Variants in DHRS12 observed in about 807,000 individuals in gnomAD.
The protein encoded by DHRS12 is dehydrogenase/reductase SDR family member 12.
Under a neutral mutation model 32.1 loss-of-function variants are expected in DHRS12, and 29 were observed. The ratio of observed to expected loss-of-function variants is 0.90; its 90% CI spans 0.67 to 1.23. The LOEUF (loss-of-function observed/expected upper bound fraction) is 1.23, where lower values mean the gene tolerates loss of function less well. Among genes scored for constraint, DHRS12 ranks in the 50% most tolerant of loss-of-function variants. The pLI is 0.00. For missense variants in DHRS12, 330 were observed against 337.2 expected (o/e 0.98, Z 0.17); for synonymous variants, 150 against 135.9 (o/e 1.10, Z -0.72).
chr13:51,756,306 G>C, the DHRS12 span: 1 of 1,605,708 alleles, frequency 6.2e-7, no homozygotes, highest in Non-Finnish European at 8.5e-7. Context: ...GCCGTGATGA[G>C]TATCTATTTT....
chr13:51,772,573 G>A (rs1954081833), intron 6 of DHRS12: 8 of 958,852 alleles, frequency 8.3e-6, no homozygotes, highest in Non-Finnish European at 8.7e-6. Flanking sequence ...CTTAAACCAA[G>A]GAGATGGAGG....
intron 2 of DHRS12, among the ~76,000 whole-genome samples, chr13:51,799,032 A>G (rs1955634292): frequency 6.6e-6 from 1 of 152,202 alleles, no homozygotes. Context: ...GGACCCCAGC[A>G]AGGAGGAAGT....
intron 5 of DHRS12, chr13:51,774,409 C>T (rs559418294): frequency 1.3e-3 from 143 of 112,426 alleles, no homozygotes; most frequent in African/African-American, 5.4e-3. Context: ...ATGTATTCTA[C>T]AGTATTCTCC....
downstream of DHRS12, chr13:51,765,162 G>A (rs1953710812): frequency 6.6e-6 from 1 of 152,222 alleles, no homozygotes; most frequent in Non-Finnish European, 1.5e-5. Context: ...GCATGGCAGC[G>A]CCTGTCTTTG....
the DHRS12 span, among the ~76,000 whole-genome samples, chr13:51,756,164 C>T: frequency 6.6e-6 from 1 of 152,098 alleles, no homozygotes; most frequent in African/African-American, 2.4e-5. Context: ...TAAACAGAGC[C>T]CCAGAGAAGA....
At chr13:51,755,279 A>G in the DHRS12 span, 127 of 1,327,766 alleles carry the variant, frequency 9.6e-5, no homozygotes, top group Middle Eastern at 1.8e-4. Context: ...TGATAGCTCC[A>G]TAAGTTTCAT....
chr13:51,800,488 A>C (rs890646973), intron 1 of DHRS12, among the ~76,000 whole-genome samples: 1 of 152,198 alleles, frequency 6.6e-6, no homozygotes, highest in African/African-American at 2.4e-5. Flanking sequence ...CAGAGGGCAG[A>C]CTCTGCCCAC....
intron 2 of DHRS12, among the ~76,000 whole-genome samples, chr13:51,796,790 A>G (rs1001602623): frequency 3.3e-5 from 5 of 152,154 alleles, no homozygotes; most frequent in Admixed American, 6.5e-5. Flanking sequence ...ACTTGCAGAC[A>G]TTAGAGGAAG....
chr13:51,766,790 C>G (rs577298689), downstream of DHRS12: 11 of 152,366 alleles, frequency 7.2e-5, no homozygotes, highest in South Asian at 1.4e-3. Flanking sequence ...TCTGTGAAAA[C>G]CTTTCTGCAG....
chr13:51,767,106 A>G (rs1566265974), downstream of DHRS12: 2 of 152,270 alleles, frequency 1.3e-5, no homozygotes, highest in African/African-American at 2.4e-5. Context: ...TGCCAGGGAA[A>G]GCCTCATTTA....
the DHRS12 span, among the ~76,000 whole-genome samples, chr13:51,759,223 C>G: frequency 6.6e-6 from 1 of 152,162 alleles, no homozygotes; most frequent in African/African-American, 2.4e-5. Context: ...CTGGCAGCCT[C>G]AGGTCCTTTA....
chr13:51,786,761 G>A lies in DHRS12; in HGVS notation c.301+3250C>T, dbSNP rs188225960. On this transcript the variant is annotated intron_variant, in intron 4 of 8. Coordinates refer to ENST00000444610, the MANE Select transcript of DHRS12 (RefSeq NM_001377533.1). ...CTTAGGATCCAGTGATAAATCCTGC[G>A]AATGCTGAGGTTTACGCTCTCCTCA... is the stretch of plus-strand genomic sequence containing the variant. 2.5e-3 allele frequency among the ~76,000 whole-genome samples: 380 copies of A among 152,310 alleles called. 1 individual carries two copies. The highest frequency in any genetic ancestry group is 6.8e-3 in the Middle Eastern group (2 of 294).
Position 51,768,315 on chromosome 13 carries a change from C to T in DHRS12, c.698-19G>A, listed in dbSNP as rs907321045. Reference sequence around the variant, plus strand: ...TTCCGATCTAAAAGTGAGAGGGAACCGCAGAGAGGTGTGAGCTGCTGCAGC... The same window carrying T: ...TTCCGATCTAAAAGTGAGAGGGAACTGCAGAGAGGTGTGAGCTGCTGCAGC... On this transcript the variant is annotated intron_variant, in intron 8 of 8. Transcript: ENST00000444610. 60 of 1,535,394 alleles carry T rather than the reference C, an allele frequency of 3.9e-5. No homozygotes were observed. Among genetic ancestry groups the T allele is most frequent in the Non-Finnish European group, 5.0e-5 (57 of 1,146,888 alleles).
rs557154865 is a variant in DHRS12 at position 51,803,961 on chromosome 13, G to A, written c.-9+93C>T. ...TAGTCGGCCCAGCGAGAGGGCGAAGGAGCCGCGGGCGCGTCCCCGCCAACC... is the reference window on the plus strand; with the variant it reads ...TAGTCGGCCCAGCGAGAGGGCGAAGAAGCCGCGGGCGCGTCCCCGCCAACC... On this transcript the variant is annotated intron_variant, in intron 1 of 8. Coordinates refer to ENST00000444610, the MANE Select transcript of DHRS12 (RefSeq NM_001377533.1). 1.6e-5 allele frequency: 19 copies of A among 1,188,308 alleles called. No individual in the cohort carries two copies. In the African/African-American group the frequency reaches 2.3e-4, roughly 14 times the overall value. 73.6% of individuals were successfully genotyped at this position (1,188,308 alleles called of 1,614,324 possible).
intron 4 of DHRS12, among the ~76,000 whole-genome samples, chr13:51,784,379 G>T (rs1954857437): frequency 6.6e-6 from 1 of 152,166 alleles, no homozygotes; most frequent in African/African-American, 2.4e-5. Flanking sequence ...GACATTCCAG[G>T]CAGGGGAGCA....
chr13:51,800,241 G>T (rs780618503), intron 1 of DHRS12, among the ~76,000 whole-genome samples: 3 of 152,234 alleles, frequency 2.0e-5, no homozygotes, highest in Non-Finnish European at 2.9e-5. Context: ...TGGGATATTT[G>T]TATCTGCATT....
chr13:51,799,444 C>T lies in DHRS12; in HGVS notation c.126+90G>A, dbSNP rs1041296308. ...GGATCGCCGTCCAGGACTTCCTGGC[C>T]TGCCTGTGACACAGGGTGCCCTCCT... On this transcript the variant is annotated intron_variant, in intron 2 of 8. Transcript: ENST00000444610. 5 of 1,551,698 alleles carry T rather than the reference C, an allele frequency of 3.2e-6. No homozygotes were observed. The South Asian group carries it at 6.1e-5, about 19-fold the overall frequency.
chr13:51,755,268 C>A, the DHRS12 span: 134 of 1,220,282 alleles, frequency 1.1e-4, no homozygotes, highest in Middle Eastern at 9.7e-4. Context: ...TAAACACATC[C>A]TGATAGCTCC....
Position 51,804,157 on chromosome 13 carries a change from C to G in DHRS12, c.-112G>C, listed in dbSNP as rs754117361. 4.9e-6 allele frequency: 7 copies of G among 1,422,750 alleles called. No individual in the cohort carries two copies. Among genetic ancestry groups the G allele is most frequent in the Middle Eastern group, 1.9e-4 (1 of 5,286 alleles). The allele number at this position is 1,422,750 out of a possible 1,614,324, so 88.1% of individuals were successfully genotyped here. On this transcript the variant is annotated 5_prime_UTR_variant, in exon 1 of 9. Transcript: ENST00000444610. ...CCCCACCGCGCTCCCGGCGCGGCCT[C>G]CGCCCTGGTCCCGCCCCCCGGGAGT... is the stretch of plus-strand genomic sequence containing the variant.
Sources: allele counts gnomAD v4.1 joint callset (sites outside exome capture counted in the v4.1 genomes callset), GRCh38; gene constraint gnomAD v4.1.1; transcripts MANE v1.5; gene names NCBI Gene and HGNC (gene_info 2026-07-23, HGNC 2026-07-21).